The following NCOA2 variants were observed in gnomAD, a reference collection of about 807,000 sequenced individuals.
NCOA2 encodes nuclear receptor coactivator 2, also known as class E basic helix-loop-helix protein 75.
Under a neutral mutation model 145.1 loss-of-function variants are expected in NCOA2, and 21 were observed. That is an observed-to-expected ratio of 0.14 (90% CI 0.10 to 0.21). The LOEUF is 0.21. Ranked by LOEUF, NCOA2 falls within the 10% of genes least tolerant of loss-of-function variation. The pLI is 1.00. For missense variants in NCOA2, 1,472 were observed against 1,837.6 expected, an observed-to-expected ratio of 0.80 and a Z score of 3.64; for synonymous variants, 619 against 637.5, an observed-to-expected ratio of 0.97 and a Z score of 0.44.
At chr8:70,131,185 T>C (rs1364613367) in intron 16 of NCOA2, among the ~76,000 whole-genome samples, 2 of 146,488 alleles carry the variant, frequency 1.4e-5, no homozygotes, top group Non-Finnish European at 3.1e-5. Context: ...TGTGACATTT[T>C]ATTTTTTTTT....
intron 2 of NCOA2, among the ~76,000 whole-genome samples, chr8:70,263,407 G>A (rs1193152887): frequency 6.6e-6 from 1 of 151,862 alleles, no homozygotes; most frequent in Non-Finnish European, 1.5e-5. Flanking sequence ...CTGAAACCAC[G>A]TATAAGGGTG....
At chr8:70,425,640 C>T in the NCOA2 span, among the ~76,000 whole-genome samples, 1 of 152,226 alleles carries the variant, frequency 6.6e-6, no homozygotes, top group African/African-American at 2.4e-5. Context: ...TCACTTTCCT[C>T]CTTATCCAGC....
At chr8:70,343,785 T>C (rs924541184) in intron 1 of NCOA2, among the ~76,000 whole-genome samples, 3 of 149,000 alleles carry the variant, frequency 2.0e-5, no homozygotes, top group Non-Finnish European at 4.4e-5. Flanking sequence ...CACTCTAGCC[T>C]GGGTGATGAA....
At chr8:70,447,677 G>A in the NCOA2 span, among the ~76,000 whole-genome samples, 2 of 94,668 alleles carry the variant, frequency 2.1e-5, no homozygotes, top group African/African-American at 1.0e-4. Context: ...TTAGGTCTTT[G>A]TTTTCTTTTT....
chr8:70,365,356 CCAAA>C lies in NCOA2; in HGVS notation c.-77+38340_-77+38343del, dbSNP rs762676993. ...CAAAAAACAAACAAACAAAAAAAAT[CCAAA>C]CAAACAAACAAAAAAAACAGGTATG... On this transcript the variant is annotated intron_variant, in intron 1 of 22. Transcript: ENST00000452400. Among the ~76,000 whole-genome samples, 44 of 152,008 alleles carry C rather than the reference CCAAA, an allele frequency of 2.9e-4. 1 individual carries two copies. The highest frequency in any genetic ancestry group is 7.9e-4 in the Admixed American group (12 of 15,258).
At chr8:70,213,577 T>C (rs1371934959) in intron 4 of NCOA2, among the ~76,000 whole-genome samples, 3 of 152,190 alleles carry the variant, frequency 2.0e-5, no homozygotes, top group Admixed American at 6.5e-5. Context: ...CTTGCAACTT[T>C]TGATGGTCAC....
At chr8:70,115,214 G>GA (rs1806961080) in intron 22 of NCOA2, among the ~76,000 whole-genome samples, 1 of 152,052 alleles carries the variant, frequency 6.6e-6, no homozygotes, top group Non-Finnish European at 1.5e-5. Flanking sequence ...TCAATGGTAC[G>GA]ATCTCGGCTC....
At chr8:70,414,842 A>T in the NCOA2 span, among the ~76,000 whole-genome samples, 17 of 152,328 alleles carry the variant, frequency 1.1e-4, 1 homozygote, top group Admixed American at 9.2e-4. Flanking sequence ...TTTTGACACA[A>T]CTAATAGCCA....
At chr8:70,441,517 GAA>G in the NCOA2 span, among the ~76,000 whole-genome samples, 16 of 138,708 alleles carry the variant, frequency 1.2e-4, no homozygotes, top group African/African-American at 3.7e-4. Flanking sequence ...AAAGAAGAAA[GAA>G]AAAGAGAAGA....
intron 21 of NCOA2, among the ~76,000 whole-genome samples, chr8:70,122,638 T>TTC (rs1807950576): frequency 6.6e-6 from 1 of 152,244 alleles, no homozygotes; most frequent in Non-Finnish European, 1.5e-5. Flanking sequence ...GAAGTGTAAG[T>TTC]TATTACTACA....
At chr8:70,231,865 C>A (rs1821169243) in intron 2 of NCOA2, among the ~76,000 whole-genome samples, 1 of 152,146 alleles carries the variant, frequency 6.6e-6, no homozygotes, top group African/African-American at 2.4e-5. Flanking sequence ...CTAAGTTCAC[C>A]AACATGCAGC....
At chr8:70,434,526 A>T in the NCOA2 span, among the ~76,000 whole-genome samples, 1 of 152,194 alleles carries the variant, frequency 6.6e-6, no homozygotes, top group Non-Finnish European at 1.5e-5. Flanking sequence ...TTATGAGCAC[A>T]AACTTTAGCG....
intron 4 of NCOA2, among the ~76,000 whole-genome samples, chr8:70,205,622 T>A (rs1818354841): frequency 6.6e-6 from 1 of 151,648 alleles, no homozygotes; most frequent in South Asian, 2.1e-4. Flanking sequence ...AAAAGAGGCA[T>A]TCCCAAACAG....
intron 5 of NCOA2, among the ~76,000 whole-genome samples, chr8:70,173,857 A>C (rs1336814473): frequency 4.6e-5 from 7 of 152,186 alleles, no homozygotes; most frequent in Non-Finnish European, 7.3e-5. Context: ...CAACTGAAAA[A>C]AAAGAGATAA....
Sources: gnomAD v4.1 joint callset for allele counts (sites outside exome capture counted in the v4.1 genomes callset) on GRCh38, gnomAD v4.1.1 for gene constraint, MANE v1.5 for transcripts, NCBI Gene and HGNC (gene_info 2026-07-23, HGNC 2026-07-21) for gene names.